THSD7B: variants seen among roughly 807,000 people sequenced by gnomAD.
THSD7B encodes the protein thrombospondin type-1 domain-containing protein 7B.
Under a neutral mutation model 213.6 loss-of-function variants are expected in THSD7B, and 138 were observed. The ratio of observed to expected loss-of-function variants is 0.65; its 90% CI spans 0.56 to 0.74. The LOEUF (loss-of-function observed/expected upper bound fraction) is 0.74, where lower values mean the gene tolerates loss of function less well. THSD7B is among the 30% of genes least tolerant of loss of function. THSD7B has a pLI of 0.00. For synonymous variants in THSD7B, 742 were observed against 687.0 expected, an observed-to-expected ratio of 1.08 and a Z score of -1.25; for missense variants, 1,931 against 1,991.5, an observed-to-expected ratio of 0.97 and a Z score of 0.58.
chr2:136,898,112 C>A (rs1422417865), intron 2 of THSD7B, among the ~76,000 whole-genome samples: 3 of 152,184 alleles, frequency 2.0e-5, no homozygotes, highest in African/African-American at 7.2e-5. Flanking sequence ...AAAAGTTCTC[C>A]AAGTCTCCAC....
At chr2:137,100,263 A>G (rs184897948) in intron 4 of THSD7B, among the ~76,000 whole-genome samples, 78 of 152,196 alleles carry the variant, frequency 5.1e-4, no homozygotes, top group Non-Finnish European at 6.6e-4. Flanking sequence ...TTGTGAAGGG[A>G]TGTTTGTTCA....
intron 3 of THSD7B, among the ~76,000 whole-genome samples, chr2:137,074,176 A>T (rs1687565470): frequency 6.6e-6 from 1 of 151,602 alleles, no homozygotes; most frequent in South Asian, 2.1e-4. Context: ...TCTAATGTTG[A>T]CAGTGGGGTG....
At chr2:137,068,390 T>C (rs1270091806) in intron 3 of THSD7B, among the ~76,000 whole-genome samples, 1 of 152,086 alleles carries the variant, frequency 6.6e-6, no homozygotes, top group Non-Finnish European at 1.5e-5. Flanking sequence ...AATAATTAGG[T>C]TTTAGAAAAA....
At chr2:137,408,341 CT>C (rs913167906) in intron 13 of THSD7B, among the ~76,000 whole-genome samples, 10 of 147,456 alleles carry the variant, frequency 6.8e-5, no homozygotes, top group African/African-American at 2.6e-4. Context: ...TTATCTTGAT[CT>C]TTTTCTTTTT....
At chr2:137,453,236 T>C (rs1354669136) in intron 15 of THSD7B, among the ~76,000 whole-genome samples, 1 of 151,876 alleles carries the variant, frequency 6.6e-6, no homozygotes, top group Non-Finnish European at 1.5e-5. Context: ...GTGTAATTTA[T>C]GAATACAGTG....
At chr2:137,212,022 T>C (rs1223250172) in intron 7 of THSD7B, among the ~76,000 whole-genome samples, 2 of 152,078 alleles carry the variant, frequency 1.3e-5, no homozygotes, top group African/African-American at 4.8e-5. Context: ...CTAATGTGAA[T>C]CACAACAATC....
At chr2:137,631,558 C>CACA (rs767753852) in intron 20 of THSD7B, among the ~76,000 whole-genome samples, 2 of 152,132 alleles carry the variant, frequency 1.3e-5, no homozygotes, top group Non-Finnish European at 2.9e-5. Flanking sequence ...AACTCCAAAA[C>CACA]ACAACAACAA....
At chr2:137,043,003 T>C (rs1037437311) in intron 2 of THSD7B, among the ~76,000 whole-genome samples, 5 of 152,144 alleles carry the variant, frequency 3.3e-5, no homozygotes, top group Non-Finnish European at 5.9e-5. Context: ...GTAATGAGGA[T>C]AGATTTTCTC....
At chr2:137,302,627 G>A (rs935942746) in intron 12 of THSD7B, among the ~76,000 whole-genome samples, 4 of 152,114 alleles carry the variant, frequency 2.6e-5, no homozygotes, top group Non-Finnish European at 5.9e-5. Flanking sequence ...GTAGTAGCTG[G>A]TGGAGGGGAA....
intron 15 of THSD7B, among the ~76,000 whole-genome samples, chr2:137,530,068 T>C (rs1260073708): frequency 6.6e-6 from 1 of 152,044 alleles, no homozygotes; most frequent in Non-Finnish European, 1.5e-5. Context: ...AATTAGAACT[T>C]GAAAGCTGTG....
intron 2 of THSD7B, among the ~76,000 whole-genome samples, chr2:136,925,053 G>C (rs1684500154): frequency 6.6e-6 from 1 of 152,202 alleles, no homozygotes; most frequent in Admixed American, 6.5e-5. Flanking sequence ...TATATTAGCT[G>C]TAAGAGTTTT....
Position 137,315,212 on chromosome 2 carries a change from C to T in THSD7B, c.2500+39186C>T, listed in dbSNP as rs184899190. 1.2e-3 allele frequency among the ~76,000 whole-genome samples: 180 copies of T among 152,304 alleles called. 4 individuals are homozygous for T. In the Middle Eastern group the frequency reaches 0.02, roughly 17 times the overall value. ...AGGTGCGGGATATAATCTCCTGGTG[C>T]GCTGTTTTTTAAGCCCATCAGAAAA... On this transcript the variant is annotated intron_variant, in intron 12 of 27. Coordinates refer to ENST00000409968, the MANE Select transcript of THSD7B (RefSeq NM_001316349.2).
intron 17 of THSD7B, among the ~76,000 whole-genome samples, chr2:137,576,924 A>T (rs1420452825): frequency 6.6e-6 from 1 of 151,798 alleles, no homozygotes; most frequent in Non-Finnish European, 1.5e-5. Flanking sequence ...TGTTTCAGGG[A>T]AGCAATTTAT....
chr2:137,637,760 G>A (rs1263692409), intron 20 of THSD7B, among the ~76,000 whole-genome samples: 1 of 151,976 alleles, frequency 6.6e-6, no homozygotes, highest in East Asian at 1.9e-4. Context: ...CTATAGTATT[G>A]GCCCTCAGCA....
chr2:137,067,671 C>T (rs908352071), intron 3 of THSD7B, among the ~76,000 whole-genome samples: 4 of 152,014 alleles, frequency 2.6e-5, no homozygotes, highest in Non-Finnish European at 4.4e-5. Context: ...TTTTCACTCC[C>T]AACTCAGGTA....
At chr2:136,865,058 C>T (rs1220780580) in intron 1 of THSD7B, among the ~76,000 whole-genome samples, 1 of 152,200 alleles carries the variant, frequency 6.6e-6, no homozygotes, top group Non-Finnish European at 1.5e-5. Flanking sequence ...TATTACAGTA[C>T]TGGATTATTT....
At chr2:137,278,146 G>A (rs1682914071) in intron 12 of THSD7B, among the ~76,000 whole-genome samples, 1 of 152,042 alleles carries the variant, frequency 6.6e-6, no homozygotes, top group South Asian at 2.1e-4. Context: ...ATAGAGAAAT[G>A]AGAATATAAA....
At chr2:136,996,315 T>G (rs13014835) in intron 2 of THSD7B, among the ~76,000 whole-genome samples, 1 of 111,162 alleles carries the variant, frequency 9.0e-6, no homozygotes, top group African/African-American at 4.0e-5. Flanking sequence ...CCCTGTCTCT[T>G]TCTTTCTTTC....
At chr2:137,582,595 T>C (rs1472802358) in intron 17 of THSD7B, among the ~76,000 whole-genome samples, 1 of 151,068 alleles carries the variant, frequency 6.6e-6, no homozygotes, top group Admixed American at 6.6e-5. Context: ...TGGTGTTTGG[T>C]TTTTTGTCCT....
Sources: allele counts gnomAD v4.1 joint callset (sites outside exome capture counted in the v4.1 genomes callset), GRCh38; gene constraint gnomAD v4.1.1; transcripts MANE v1.5; gene names NCBI Gene and HGNC (gene_info 2026-07-23, HGNC 2026-07-21).